Variants in PSAPL1 observed in about 807,000 individuals in gnomAD.
PSAPL1 encodes prosaposin like 1.
For missense variants in PSAPL1, 814 were observed against 688.8 expected (o/e 1.18, Z -2.03); for synonymous variants, 351 against 291.6 (o/e 1.20, Z -2.08).
the PSAPL1 span, chr4:7,434,076 GGC>G: frequency 6.2e-7 from 1 of 1,611,626 alleles, no homozygotes; most frequent in South Asian, 1.1e-5. Context: ...CCCCGTCCAT[GGC>G]CACTACTTGA....
rs1206832049 is a variant in PSAPL1 at position 7,433,822 on chromosome 4, T to C, written c.1058A>G (p.Lys353Arg). ...YSPSLVQLVA[K>R]ITPEKVCKFI... Reference sequence around the variant, plus strand: ...CTTGCACACCTTCTCTGGGGTGATTTTGGCCACAAGCTGCACCAAGGAGGG... The same window carrying C: ...CTTGCACACCTTCTCTGGGGTGATTCTGGCCACAAGCTGCACCAAGGAGGG... The change falls in exon 1 of 1, where the codon AAA (lysine) becomes AGA (arginine). Residue 353 changes from lysine (K) to arginine (R), a missense_variant. Transcript: ENST00000319098. 1.2e-6 allele frequency: 2 copies of C among 1,613,692 alleles called. No homozygotes were observed. Among genetic ancestry groups the C allele is most frequent in the Non-Finnish European group, 8.5e-7 (1 of 1,179,882 alleles).
In PSAPL1 at chr4:7,433,890, G is replaced by C; in HGVS notation, c.990C>G (p.Ala330=). 1 of 1,613,930 alleles carries C rather than the reference G, an allele frequency of 6.2e-7. No homozygotes were observed. The highest frequency in any genetic ancestry group is 1.1e-5 in the South Asian group (1 of 91,076). The stretch of plus-strand genomic sequence containing the variant: ...AGATGATGCACTCCTTCGTGATAGA[G>C]GCAGGCATTACCGAGCACACGCGCT... ...ALERVCSVMP[A]SITKECIILV... Residue 330 remains alanine (A), a synonymous_variant, in exon 1 of 1, where the codon GCC becomes GCG. Transcript: ENST00000319098.
chr4:7,434,562 T>G lies in PSAPL1; in HGVS notation c.318A>C (p.Gly106=), dbSNP rs1230574225. The G allele has an allele frequency of 6.2e-7, 1 of 1,613,378 alleles. No homozygotes were observed. The highest frequency in any genetic ancestry group is 8.5e-7 in the Non-Finnish European group (1 of 1,179,848). The stretch of plus-strand genomic sequence containing the variant: ...TGTGGGCATCCACCATCCACTTGCA[T>G]CCGGCTGAAGACTCCTGGCTGGGGA... ...EWLPSQESSA[G]CKWMVDAHSS... The change falls in exon 1 of 1, where the codon GGA becomes GGC. Residue 106 remains glycine, a synonymous_variant. Transcript: ENST00000319098.
Position 7,434,374 on chromosome 4 carries a change from C to T in PSAPL1, c.506G>A (p.Gly169Glu), listed in dbSNP as rs1465918907. 6.2e-7 allele frequency: 1 copy of T among 1,607,628 alleles called. No homozygotes were observed. Among genetic ancestry groups the T allele is most frequent in the Non-Finnish European group, 8.5e-7 (1 of 1,177,552 alleles). Residue 169 changes from glycine (G) to glutamate (E), a missense_variant, in exon 1 of 1, where the codon GGG (glycine) becomes GAG (glutamate). Physicochemically the swap from Gly to Glu is moderately conservative, Grantham distance 98. Transcript: ENST00000319098. The stretch of plus-strand genomic sequence containing the variant: ...CTGGCGGGGGTGGAAGGTAAGGGGC[C>T]CATTGGCCATGAACGGAGCCACAGC... ...FEAVAPFMAN[G>E]PLTFHPRQAP...
At position 7,433,517 on chromosome 4, in the gene PSAPL1, C is replaced by G. The variant is rs200541303; in HGVS notation, c.1363G>C (p.Asp455His). The change falls in exon 1 of 1, where the codon GAC becomes CAC. Residue 455 changes from aspartate to histidine, a missense_variant. Physicochemically the swap from Asp to His is moderately conservative, Grantham distance 81. Coordinates refer to ENST00000319098, the MANE Select transcript of PSAPL1 (RefSeq NM_001085382.2). The part of the protein sequence containing the change: ...YEPVLIESLK[D>H]MMDPVAVCKK... ...CACACAGCCACGGGGTCCATCATGTCCTTGAGACTCTCAATGAGCACGGGC... is the reference window on the plus strand; with the variant it reads ...CACACAGCCACGGGGTCCATCATGTGCTTGAGACTCTCAATGAGCACGGGC... 578 of 1,607,730 alleles carry G rather than the reference C, an allele frequency of 3.6e-4. No homozygotes were observed. Among genetic ancestry groups the G allele is most frequent in the Non-Finnish European group, 4.7e-4 (558 of 1,177,686 alleles).
rs977815274 is a variant in PSAPL1, at chr4:7,433,606, C to A, written c.1274G>T (p.Gly425Val). ...GGGCAGCGGCAGGATGCTGCAGCCA[C>A]CCTTGAAGGCCACCAGGATGTCTCG... ...TKRDILVAFKGGCSILPLPYM... is the reference protein window; with the variant it reads ...TKRDILVAFKVGCSILPLPYM... Residue 425 changes from glycine (G) to valine (V), a missense_variant, in exon 1 of 1, where the codon GGT becomes GTT. Gly to Val is a moderately radical substitution (Grantham distance 109, BLOSUM62 -3). Coordinates refer to ENST00000319098, the MANE Select transcript of PSAPL1 (RefSeq NM_001085382.2). The A allele has an allele frequency of 6.2e-7, 1 of 1,611,570 alleles. No homozygotes were observed. Among genetic ancestry groups the A allele is most frequent in the Non-Finnish European group, 8.5e-7 (1 of 1,178,938 alleles).
At position 7,433,375 on chromosome 4, in the gene PSAPL1, A is replaced by T; in HGVS notation, c.1505T>A (p.Val502Glu). ...SQEAAKLCNAVQHCQKHVWKE... is the reference protein window; with the variant it reads ...SQEAAKLCNAEQHCQKHVWKE... Reference sequence around the variant, plus strand: ...CCATACATGCTTCTGGCAGTGTTGCACAGCGTTGCACAGCTTGGCGGCCTC... The same window carrying T: ...CCATACATGCTTCTGGCAGTGTTGCTCAGCGTTGCACAGCTTGGCGGCCTC... Residue 502 changes from valine to glutamate, a missense_variant, in exon 1 of 1, where the codon GTG becomes GAG. Physicochemically the swap from Val to Glu is moderately radical, Grantham distance 121. Coordinates refer to ENST00000319098, the MANE Select transcript of PSAPL1 (RefSeq NM_001085382.2). The T allele has an allele frequency of 6.8e-7, 1 of 1,470,542 alleles. No homozygotes were observed. The highest frequency in any genetic ancestry group is 9.0e-7 in the Non-Finnish European group (1 of 1,109,356). The allele number at this position is 1,470,542 out of a possible 1,614,324, so 91.1% of individuals were successfully genotyped here.
chr4:7,434,344 G>A lies in PSAPL1; in HGVS notation c.536C>T (p.Pro179Leu). ...ACAGTCTTGGCACAGAGCTCCTTCAGGCGCCTGGCGGGGGTGGAAGGTAAG... is the reference window on the plus strand; with the variant it reads ...ACAGTCTTGGCACAGAGCTCCTTCAAGCGCCTGGCGGGGGTGGAAGGTAAG... ...GPLTFHPRQA[P>L]EGALCQDCVR... Residue 179 changes from proline (P) to leucine (L), a missense_variant, in exon 1 of 1, where the codon CCT (proline) becomes CTT (leucine). Pro to Leu is a moderately conservative substitution (Grantham distance 98, BLOSUM62 -3). Transcript: ENST00000319098. The A allele has an allele frequency of 6.2e-7, 1 of 1,609,450 alleles. No individual in the cohort carries two copies. The highest frequency in any genetic ancestry group is 8.5e-7 in the Non-Finnish European group (1 of 1,178,230).
chr4:7,433,521 G>A lies in PSAPL1; in HGVS notation c.1359C>T (p.Leu453=). Residue 453 remains leucine (L), a synonymous_variant, in exon 1 of 1, where the codon CTC becomes CTT. Coordinates refer to ENST00000319098, the MANE Select transcript of PSAPL1 (RefSeq NM_001085382.2). ...TQYEPVLIES[L]KDMMDPVAVC... is the part of the protein sequence containing the mutation. ...CAGCCACGGGGTCCATCATGTCCTT[G>A]AGACTCTCAATGAGCACGGGCTCGT... is the stretch of plus-strand genomic sequence containing the variant. 2 of 1,608,550 alleles carry A rather than the reference G, an allele frequency of 1.2e-6. No individual in the cohort carries two copies. Among genetic ancestry groups the A allele is most frequent in the Non-Finnish European group, 1.7e-6 (2 of 1,178,008 alleles).
At position 7,434,126 on chromosome 4, in the gene PSAPL1, C is replaced by T. The variant is rs774177996; in HGVS notation, c.754G>A (p.Gly252Arg). ...LPPQELCRKG[G>R]FCEELGAPAR... The stretch of plus-strand genomic sequence containing the variant: ...GGTGCCCCTAGCTCCTCACAGAATC[C>T]CCCCTTCCTGCAGAGCTCCTGCGGG... Residue 252 changes from glycine to arginine, a missense_variant, in exon 1 of 1, where the codon GGA becomes AGA. Coordinates refer to ENST00000319098, the MANE Select transcript of PSAPL1 (RefSeq NM_001085382.2). 2 of 1,613,188 alleles carry T rather than the reference C, an allele frequency of 1.2e-6. No homozygotes were observed. Among genetic ancestry groups the T allele is most frequent in the South Asian group, 1.1e-5 (1 of 91,012 alleles).
In PSAPL1 at chr4:7,433,870, A is replaced by T; in HGVS notation, c.1010T>A (p.Ile337Asn). The change falls in exon 1 of 1, where the codon ATC (isoleucine) becomes AAC (asparagine). Residue 337 changes from isoleucine (I) to asparagine (N), a missense_variant. Ile to Asn is a moderately radical substitution (Grantham distance 149). Coordinates refer to ENST00000319098, the MANE Select transcript of PSAPL1 (RefSeq NM_001085382.2). Reference sequence around the variant, plus strand: ...GGGGCTGTAGGTGTCCACCAAGATGATGCACTCCTTCGTGATAGAGGCAGG... The same window carrying T: ...GGGGCTGTAGGTGTCCACCAAGATGTTGCACTCCTTCGTGATAGAGGCAGG... ...VMPASITKEC[I>N]ILVDTYSPSL... 1 of 1,613,808 alleles carries T rather than the reference A, an allele frequency of 6.2e-7. No individual in the cohort carries two copies. The highest frequency in any genetic ancestry group is 8.5e-7 in the Non-Finnish European group (1 of 1,179,882).
chr4:7,432,417 C>T lies in PSAPL1; in HGVS notation c.*897G>A, dbSNP rs1389810996. 2 of 152,100 alleles carry T rather than the reference C, an allele frequency of 1.3e-5. No individual in the cohort carries two copies. The highest frequency in any genetic ancestry group is 4.8e-5 in the African/African-American group (2 of 41,400). 9.4% of individuals were successfully genotyped at this position (152,100 alleles called of 1,614,324 possible). On this transcript the variant is annotated 3_prime_UTR_variant, in exon 1 of 1. Transcript: ENST00000319098. The stretch of plus-strand genomic sequence containing the variant: ...CGTCTCTGTGAATTGTCTCAACATT[C>T]TTGTGAGGCAGGTATGATCATCCCC...
In PSAPL1 at chr4:7,434,037, C is replaced by T. The variant is rs1454448809; in HGVS notation, c.843G>A (p.Arg281=). The T allele has an allele frequency of 1.9e-6, 3 of 1,611,438 alleles. No homozygotes were observed. The highest frequency in any genetic ancestry group is 2.5e-6 in the Non-Finnish European group (3 of 1,178,012). Residue 281 remains arginine, a synonymous_variant, in exon 1 of 1, where the codon AGG becomes AGA. Coordinates refer to ENST00000319098, the MANE Select transcript of PSAPL1 (RefSeq NM_001085382.2). ...CCTTCATCTGCATCTCGCTCTGTTT[C>T]CTTGGCAACCCCAGCTCCAGGGAGG... ...GVPSLELGLP[R]KQSEMQMKAG...
chr4:7,430,807 G>C lies in PSAPL1; in HGVS notation c.*2507C>G, dbSNP rs6822927. 0.67 allele frequency: 102,463 copies of C among 152,168 alleles called. 34,832 individuals are homozygous for C. The highest frequency in any genetic ancestry group is 0.76 in the Middle Eastern group (223 of 294). The allele number at this position is 152,168 out of a possible 1,614,324, so 9.4% of individuals were successfully genotyped here. A position where few individuals can be genotyped will look rare whatever the true frequency, so the allele number is the denominator to read the frequency against. On this transcript the variant is annotated 3_prime_UTR_variant, in exon 1 of 1. Coordinates refer to ENST00000319098, the MANE Select transcript of PSAPL1 (RefSeq NM_001085382.2). ...CAGCTGGACAGTTACAGCACCCTCC[G>C]CTGAAAAGCCTTTTCCAGCCTGAAC...
chr4:7,434,799 T>G lies in PSAPL1; in HGVS notation c.81A>C (p.Ala27=). ...ASPTSGPQEC[A]KGSTVWCQDL... is the part of the protein sequence containing the mutation. ...CCTGACACCACACCGTGGAGCCCTT[T>G]GCACACTCCTGGGGGCCTGAGGTGG... The change falls in exon 1 of 1, where the codon GCA becomes GCC. Residue 27 remains alanine (A), a synonymous_variant. Transcript: ENST00000319098. 1 of 1,609,666 alleles carries G rather than the reference T, an allele frequency of 6.2e-7. No individual in the cohort carries two copies.
rs1037872021 is a variant in PSAPL1, at chr4:7,434,922, T to C, written c.-43A>G. ...TGGCTCCAGAGTACCCAGCAGTGGC[T>C]GCTGCTATAAACCTGGCTCTCCTGC... On this transcript the variant is annotated 5_prime_UTR_variant, in exon 1 of 1. Transcript: ENST00000319098. The C allele has an allele frequency of 6.7e-7, 1 of 1,487,354 alleles. No individual in the cohort carries two copies. Among genetic ancestry groups the C allele is most frequent in the African/African-American group, 1.4e-5 (1 of 71,158 alleles). The allele number at this position is 1,487,354 out of a possible 1,614,324, so 92.1% of individuals were successfully genotyped here. A position where few individuals can be genotyped will look rare whatever the true frequency, so the allele number is the denominator to read the frequency against.
In PSAPL1 at chr4:7,434,711, G is replaced by C. The variant is rs569925032; in HGVS notation, c.169C>G (p.Pro57Ala). Residue 57 changes from proline (P) to alanine (A), a missense_variant, in exon 1 of 1, where the codon CCC (proline) becomes GCC (alanine). Transcript: ENST00000319098. Reference protein sequence around the residue: ...GYCQGAVWNKPTAKSLPCDVC... With the variant: ...GYCQGAVWNKATAKSLPCDVC... ...TCGCAGGGCAGAGACTTCGCGGTGG[G>C]TTTGTTCCATACGGCCCCTTGGCAG... 1.2e-5 allele frequency: 19 copies of C among 1,613,050 alleles called. No individual in the cohort carries two copies. In the South Asian group the frequency reaches 2.1e-4, roughly 18 times the overall value.
rs35845946 is a variant in PSAPL1 at position 7,430,589 on chromosome 4, C to A, written c.*2725G>T. 25,138 of 152,246 alleles carry A rather than the reference C, an allele frequency of 0.17. 2,557 individuals are homozygous for A. Among genetic ancestry groups the A allele is most frequent in the East Asian group, 0.43 (2,234 of 5,142 alleles). 9.4% of individuals were successfully genotyped at this position (152,246 alleles called of 1,614,324 possible). ...GCTGAAGGTGCAGGTACTTGCTCGG[C>A]TCTGGCAGCCCGGCGGGAGCCCTCT... On this transcript the variant is annotated 3_prime_UTR_variant, in exon 1 of 1. Coordinates refer to ENST00000319098, the MANE Select transcript of PSAPL1 (RefSeq NM_001085382.2).
chr4:7,433,106 A>G lies in PSAPL1; in HGVS notation c.*208T>C, dbSNP rs889342285. ...GGGGCACATGAGTGTGTTCCGGTCC[A>G]GTAGAGATGCTTTCAAGGGCAAAGC... On this transcript the variant is annotated 3_prime_UTR_variant, in exon 1 of 1. Coordinates refer to ENST00000319098, the MANE Select transcript of PSAPL1 (RefSeq NM_001085382.2). 6 of 443,100 alleles carry G rather than the reference A, an allele frequency of 1.4e-5. No homozygotes were observed. Among genetic ancestry groups the G allele is most frequent in the African/African-American group, 2.0e-5 (1 of 49,614 alleles). 27.4% of individuals were successfully genotyped at this position (443,100 alleles called of 1,614,324 possible).
Sources: allele counts gnomAD v4.1 joint callset, GRCh38; gene constraint gnomAD v4.1.1; transcripts MANE v1.5; gene names NCBI Gene and HGNC (gene_info 2026-07-23, HGNC 2026-07-21).